The following KIAA1549L variants were observed in gnomAD, a reference collection of about 807,000 sequenced individuals.
The protein encoded by KIAA1549L is UPF0606 protein KIAA1549L.
In KIAA1549L, 88 loss-of-function variants were observed where a neutral mutation model predicts 160.7. The observed-to-expected ratio is 0.55, with a 90% CI of 0.46 to 0.65. The LOEUF is 0.65. Ranked by LOEUF, KIAA1549L falls within the 30% of genes least tolerant of loss-of-function variation. KIAA1549L has a pLI of 0.00. For missense variants in KIAA1549L, 2,258 were observed against 2,437.5 expected (o/e 0.93, Z 1.55); for synonymous variants, 950 against 976.7 (o/e 0.97, Z 0.51).
At chr11:33,638,589 GA>G (rs985690727) in intron 16 of KIAA1549L, among the ~76,000 whole-genome samples, 10 of 147,100 alleles carry the variant, frequency 6.8e-5, no homozygotes, top group East Asian at 2.0e-4. Flanking sequence ...AAGCTAGTAT[GA>G]AAAAAAAAAC....
chr11:33,614,570 ATATATATATATATATTTT>A (rs1564924888), intron 15 of KIAA1549L, among the ~76,000 whole-genome samples: 3 of 15,024 alleles, frequency 2.0e-4, no homozygotes, highest in African/African-American at 1.6e-3. Context: ...ATATATATAT[ATATATATATATATATTTT>A]TTTTTTTTTT....
chr11:33,446,832 C>T (rs773374387), intron 1 of KIAA1549L, among the ~76,000 whole-genome samples: 14 of 151,648 alleles, frequency 9.2e-5, no homozygotes, highest in Non-Finnish European at 1.3e-4. Flanking sequence ...CAAGTGATCA[C>T]GCCAAAAATT....
intron 16 of KIAA1549L, among the ~76,000 whole-genome samples, chr11:33,627,872 G>T (rs545638690): frequency 3.8e-4 from 57 of 150,852 alleles, no homozygotes; most frequent in African/African-American, 1.2e-3. Context: ...TTTTAATTGT[G>T]ATGTTAGGGT....
intron 8 of KIAA1549L, among the ~76,000 whole-genome samples, chr11:33,564,343 G>A (rs1439554233): frequency 2.0e-5 from 3 of 152,174 alleles, no homozygotes; most frequent in Non-Finnish European, 4.4e-5. Flanking sequence ...AGAGGATTTG[G>A]AGCAAATTCT....
At chr11:33,563,824 C>T (rs1854957820) in intron 8 of KIAA1549L, among the ~76,000 whole-genome samples, 1 of 152,228 alleles carries the variant, frequency 6.6e-6, no homozygotes, top group South Asian at 2.1e-4. Flanking sequence ...AGATATTCCT[C>T]CCTTCTATTA....
At chr11:33,530,979 C>T (rs982656982) in intron 1 of KIAA1549L, among the ~76,000 whole-genome samples, 67 of 152,256 alleles carry the variant, frequency 4.4e-4, no homozygotes, top group African/African-American at 1.6e-3. Context: ...TTTCCAAGAA[C>T]ATCATCTGGA....
chr11:33,496,484 C>T (rs563798626), intron 1 of KIAA1549L, among the ~76,000 whole-genome samples: 26 of 152,208 alleles, frequency 1.7e-4, no homozygotes, highest in Non-Finnish European at 2.6e-4. Context: ...ATGCCCAGAG[C>T]GCAGCTCTTG....
intron 15 of KIAA1549L, among the ~76,000 whole-genome samples, chr11:33,617,022 A>G (rs1017286105): frequency 6.6e-6 from 1 of 151,732 alleles, no homozygotes; most frequent in Non-Finnish European, 1.5e-5. Context: ...GTGCCTGTAG[A>G]CCCAGCTACT....
At chr11:33,527,735 GA>G (rs1258749166) in intron 1 of KIAA1549L, among the ~76,000 whole-genome samples, 1 of 151,834 alleles carries the variant, frequency 6.6e-6, no homozygotes, top group East Asian at 1.9e-4. Flanking sequence ...AAATCAGCAA[GA>G]AAAAAACAAA....
At chr11:33,616,842 C>A (rs10768011) in intron 15 of KIAA1549L, among the ~76,000 whole-genome samples, 1 of 151,908 alleles carries the variant, frequency 6.6e-6, no homozygotes, top group Non-Finnish European at 1.5e-5. Context: ...AATAGAGACA[C>A]TACATAGGCG....
intron 15 of KIAA1549L, among the ~76,000 whole-genome samples, chr11:33,615,064 C>T (rs1850774341): frequency 1.3e-5 from 2 of 152,104 alleles, no homozygotes; most frequent in Admixed American, 6.5e-5. Context: ...CATATCATAC[C>T]CTTTATTGAT....
intron 1 of KIAA1549L, among the ~76,000 whole-genome samples, chr11:33,438,853 T>G (rs986882276): frequency 1.3e-5 from 2 of 151,720 alleles, no homozygotes; most frequent in South Asian, 2.1e-4. Flanking sequence ...GAAGGTTTTT[T>G]TTTTTTTTTT....
intron 1 of KIAA1549L, among the ~76,000 whole-genome samples, chr11:33,411,866 A>T (rs546218408): frequency 6.6e-6 from 1 of 152,304 alleles, no homozygotes; most frequent in South Asian, 2.1e-4. Context: ...GGTTCGATGG[A>T]TGTAAAGCAC....
chr11:33,513,944 C>T lies in KIAA1549L; in HGVS notation c.239-27858C>T, dbSNP rs183086435. Among the ~76,000 whole-genome samples, 428 of 152,312 alleles carry T rather than the reference C, an allele frequency of 2.8e-3. 3 individuals carry two copies. The highest frequency in any genetic ancestry group is 9.8e-3 in the African/African-American group (408 of 41,564). On this transcript the variant is annotated intron_variant, in intron 1 of 20. Coordinates refer to ENST00000658780, the MANE Select transcript of KIAA1549L (RefSeq NM_012194.3). ...AATTAAAATGAATGCTCCACTGACT[C>T]TTCCTAGATTATTATGCTCCTACCC...
intron 1 of KIAA1549L, among the ~76,000 whole-genome samples, chr11:33,477,706 G>A (rs1313754172): frequency 2.6e-5 from 4 of 152,122 alleles, no homozygotes; most frequent in African/African-American, 7.2e-5. Context: ...TCCCCTCTTG[G>A]GATTGTCAGT....
intron 1 of KIAA1549L, among the ~76,000 whole-genome samples, chr11:33,510,199 C>A (rs1206181016): frequency 6.6e-6 from 1 of 152,014 alleles, no homozygotes; most frequent in Non-Finnish European, 1.5e-5. Flanking sequence ...CTCTTGATTT[C>A]TCTTTCTTTC....
intron 1 of KIAA1549L, among the ~76,000 whole-genome samples, chr11:33,482,835 C>G (rs1852440610): frequency 6.6e-6 from 1 of 152,046 alleles, no homozygotes; most frequent in Admixed American, 6.5e-5. Context: ...TCCTAAAGTG[C>G]TAGGATTGCA....
At chr11:33,405,509 A>C (rs1590223058) in intron 1 of KIAA1549L, among the ~76,000 whole-genome samples, 2 of 97,832 alleles carry the variant, frequency 2.0e-5, no homozygotes, top group African/African-American at 8.9e-5. Flanking sequence ...ATTTCCCTAC[A>C]CTTTTTTTTT....
intron 16 of KIAA1549L, among the ~76,000 whole-genome samples, chr11:33,622,950 A>C (rs1042317925): frequency 7.2e-5 from 11 of 152,226 alleles, no homozygotes; most frequent in African/African-American, 2.4e-4. Flanking sequence ...ACAGGTGAGC[A>C]GTGGTTACTG....
Sources: gnomAD v4.1 joint callset for allele counts (sites outside exome capture counted in the v4.1 genomes callset) on GRCh38, gnomAD v4.1.1 for gene constraint, MANE v1.5 for transcripts, NCBI Gene and HGNC (gene_info 2026-07-23, HGNC 2026-07-21) for gene names.